ARID4A: variants seen among roughly 807,000 people sequenced by gnomAD.
ARID4A encodes the protein AT-rich interaction domain 4A, also known as AT-rich interactive domain-containing protein 4A.
A neutral mutation model predicts 148.6 loss-of-function variants in ARID4A; 39 were observed. The observed-to-expected ratio is 0.26, with a 90% CI of 0.20 to 0.34. The LOEUF (loss-of-function observed/expected upper bound fraction) is 0.34. ARID4A is among the 10% of genes least tolerant of loss of function. The pLI, the probability that ARID4A is intolerant of heterozygous loss-of-function variation, is 1.00. For synonymous variants in ARID4A, 475 were observed against 481.2 expected (o/e 0.99, Z 0.17); for missense variants, 1,265 against 1,449.1 (o/e 0.87, Z 2.06).
At chr14:58,356,087 G>A (rs1311086005) in intron 17 of ARID4A, among the ~76,000 whole-genome samples, 2 of 152,208 alleles carry the variant, frequency 1.3e-5, no homozygotes, top group African/African-American at 4.8e-5. Flanking sequence ...ACTCCTGAAA[G>A]GGAGTATCTG....
At chr14:58,308,272 C>G (rs1720228564) in intron 5 of ARID4A, among the ~76,000 whole-genome samples, 1 of 152,136 alleles carries the variant, frequency 6.6e-6, no homozygotes, top group Non-Finnish European at 1.5e-5. Context: ...ATTGAGGTAT[C>G]AAGCATTAGT....
chr14:58,332,638 CTA>C (rs1374758258), intron 11 of ARID4A, among the ~76,000 whole-genome samples: 1 of 152,052 alleles, frequency 6.6e-6, no homozygotes, highest in East Asian at 1.9e-4. Flanking sequence ...AGGGGAATGA[CTA>C]TGATGTAAAA....
intron 10 of ARID4A, 35 bp from the exon 11 acceptor site, chr14:58,329,968 C>T: frequency 6.3e-7 from 1 of 1,576,982 alleles, no homozygotes; most frequent in Non-Finnish European, 8.6e-7. Context: ...GCTGCCAATT[C>T]CATAGCAACT....
At chr14:58,309,193 G>C (rs1261534349) in intron 5 of ARID4A, among the ~76,000 whole-genome samples, 3 of 152,120 alleles carry the variant, frequency 2.0e-5, no homozygotes, top group Non-Finnish European at 4.4e-5. Flanking sequence ...GTAGCTTCCT[G>C]CAGCCCTGAA....
chr14:58,341,891 A>G (rs907730867), intron 11 of ARID4A, among the ~76,000 whole-genome samples: 1 of 152,236 alleles, frequency 6.6e-6, no homozygotes, highest in African/African-American at 2.4e-5. Flanking sequence ...AATGAAGGGA[A>G]GAAGTCTCAG....
At chr14:58,346,582 G>A (rs1346289381) in intron 13 of ARID4A, 77 bp downstream of exon 13, 2 of 872,664 alleles carry the variant, frequency 2.3e-6, no homozygotes, top group Non-Finnish European at 3.6e-6. Context: ...ATTATTATAT[G>A]CACATTGGAT....
At chr14:58,316,653 T>G (rs1285827592) in intron 5 of ARID4A, among the ~76,000 whole-genome samples, 1 of 152,126 alleles carries the variant, frequency 6.6e-6, no homozygotes, top group African/African-American at 2.4e-5. Context: ...CAATCTCTGC[T>G]CACTGCAACC....
intron 11 of ARID4A, among the ~76,000 whole-genome samples, chr14:58,340,623 T>G (rs2034071248): frequency 6.6e-6 from 1 of 152,190 alleles, no homozygotes; most frequent in Admixed American, 6.5e-5. Flanking sequence ...GTGCTGGGAT[T>G]ACAGGCATGA....
intron 5 of ARID4A, among the ~76,000 whole-genome samples, chr14:58,309,695 A>G (rs1652282397): frequency 6.6e-6 from 1 of 152,226 alleles, no homozygotes; most frequent in Admixed American, 6.5e-5. Flanking sequence ...AATTTCAGTA[A>G]TTCTAGTAAT....
chr14:58,338,785 A>G (rs2033957531), intron 11 of ARID4A, among the ~76,000 whole-genome samples: 2 of 152,054 alleles, frequency 1.3e-5, no homozygotes, highest in South Asian at 4.1e-4. Context: ...GAATATAATA[A>G]AAGATCTTAC....
chr14:58,358,267 G>A (rs558048997), intron 17 of ARID4A, among the ~76,000 whole-genome samples: 32 of 152,094 alleles, frequency 2.1e-4, no homozygotes, highest in African/African-American at 6.5e-4. Context: ...TCAGGAGTTC[G>A]AGACCAGCAT....
intron 16 of ARID4A, among the ~76,000 whole-genome samples, chr14:58,352,274 A>C (rs1050706284): frequency 1.3e-5 from 2 of 152,190 alleles, no homozygotes; most frequent in Non-Finnish European, 2.9e-5. Flanking sequence ...CACAGGAGCT[A>C]TCACAATTAC....
intron 3 of ARID4A, among the ~76,000 whole-genome samples, chr14:58,304,061 TAA>T (rs75271900): frequency 4.4e-5 from 6 of 137,778 alleles, no homozygotes; most frequent in Admixed American, 1.4e-4. Context: ...AGACCCTGCC[TAA>T]AAAAAAAAAA....
intron 11 of ARID4A, among the ~76,000 whole-genome samples, chr14:58,335,365 G>T (rs1409378421): frequency 6.7e-6 from 1 of 149,240 alleles, no homozygotes; most frequent in Admixed American, 6.7e-5. Flanking sequence ...CCAGGCTGGA[G>T]TGCAATGGCG....
chr14:58,299,511 A>C, intron 1 of ARID4A: 1 of 301,698 alleles, frequency 3.3e-6, no homozygotes, highest in Non-Finnish European at 6.4e-6. Flanking sequence ...TTCCGGAGCT[A>C]TCTGTCCTGG....
intron 11 of ARID4A, among the ~76,000 whole-genome samples, chr14:58,337,664 A>G (rs902847032): frequency 2.6e-5 from 4 of 152,176 alleles, no homozygotes; most frequent in African/African-American, 7.2e-5. Context: ...TTGTGAGTTT[A>G]TAAAATAAAT....
chr14:58,351,028 C>G, intron 15 of ARID4A, 45 bp from the exon 16 acceptor site: 1 of 1,542,896 alleles, frequency 6.5e-7, no homozygotes, highest in Non-Finnish European at 8.7e-7. Context: ...GCTTTTTTCC[C>G]CTTTATAGTG....
At chr14:58,349,115 C>T (rs2034512948) in intron 15 of ARID4A, among the ~76,000 whole-genome samples, 1 of 152,030 alleles carries the variant, frequency 6.6e-6, no homozygotes, top group African/African-American at 2.4e-5. Context: ...AGTGTTTGTC[C>T]TTTTTTACTG....
In ARID4A at chr14:58,339,626, A is replaced by G. The variant is rs186702766; in HGVS notation, c.907-5069A>G. Among the ~76,000 whole-genome samples, 17 of 152,270 alleles carry G rather than the reference A, an allele frequency of 1.1e-4. 1 individual carries two copies. In the East Asian group the frequency reaches 3.3e-3, roughly 29 times the overall value. ...GCTAAGAAAGTTAATAGCTCCTACA[A>G]AAATAAGATATCTTATTTTTCAAAT... On this transcript the variant is annotated intron_variant, in intron 11 of 23. Coordinates refer to ENST00000355431, the MANE Select transcript of ARID4A (RefSeq NM_002892.4).
Sources: gnomAD v4.1 joint callset for allele counts (sites outside exome capture counted in the v4.1 genomes callset) on GRCh38, gnomAD v4.1.1 for gene constraint, MANE v1.5 for transcripts, NCBI Gene and HGNC (gene_info 2026-07-23, HGNC 2026-07-21) for gene names.